MALRD1: variants seen among roughly 807,000 people sequenced by gnomAD.
The protein encoded by MALRD1 is MAM and LDL receptor class A domain containing 1.
In MALRD1, 247 loss-of-function variants were observed where a neutral mutation model predicts 242.1. The observed-to-expected ratio is 1.02, with a 90% confidence interval of 0.92 to 1.13. MALRD1 has a LOEUF of 1.13. MALRD1 is among the 50% of genes most tolerant of loss of function. The pLI is 0.00. For missense variants in MALRD1, 2,989 were observed against 2,533.1 expected (o/e 1.18, Z -3.86); for synonymous variants, 995 against 866.6 (o/e 1.15, Z -2.60).
intron 4 of MALRD1, among the ~76,000 whole-genome samples, chr10:19,099,809 A>C (rs1214666985): frequency 1.3e-5 from 2 of 150,834 alleles, no homozygotes; most frequent in Non-Finnish European, 2.9e-5. Flanking sequence ...TCTGTCACCC[A>C]GGTTGGCATA....
At chr10:19,269,677 C>T (rs1840120693) in intron 19 of MALRD1, among the ~76,000 whole-genome samples, 1 of 150,420 alleles carries the variant, frequency 6.6e-6, no homozygotes, top group South Asian at 2.1e-4. Context: ...CAAAGTTCAG[C>T]TCCAGAAGAA....
At chr10:19,101,892 A>G (rs1018794334) in intron 4 of MALRD1, among the ~76,000 whole-genome samples, 1 of 137,536 alleles carries the variant, frequency 7.3e-6, no homozygotes, top group Non-Finnish European at 1.5e-5. Flanking sequence ...TTATTAATAT[A>G]TATTAATATA....
intron 34 of MALRD1, among the ~76,000 whole-genome samples, chr10:19,597,028 T>C (rs189377759): frequency 3.3e-4 from 50 of 152,274 alleles, no homozygotes; most frequent in African/African-American, 5.1e-4. Flanking sequence ...TTGGGATGTT[T>C]AAAGGCTTTA....
intron 12 of MALRD1, among the ~76,000 whole-genome samples, chr10:19,162,950 T>C (rs1167891995): frequency 6.6e-6 from 1 of 151,352 alleles, no homozygotes; most frequent in Non-Finnish European, 1.5e-5. Flanking sequence ...CTGGGTAACA[T>C]GGTGAAACCT....
intron 21 of MALRD1, among the ~76,000 whole-genome samples, chr10:19,295,756 A>G (rs1841664217): frequency 6.6e-6 from 1 of 152,124 alleles, no homozygotes; most frequent in Non-Finnish European, 1.5e-5. Flanking sequence ...TAGCCCTAGT[A>G]CCTAGCAAAG....
At chr10:19,077,787 A>G (rs1026484813) in intron 2 of MALRD1, among the ~76,000 whole-genome samples, 2 of 151,902 alleles carry the variant, frequency 1.3e-5, no homozygotes, top group African/African-American at 4.8e-5. Context: ...CAGCTCCTCT[A>G]CCACCTACCA....
chr10:19,605,490 T>C (rs1006609376), intron 34 of MALRD1, among the ~76,000 whole-genome samples: 20 of 149,742 alleles, frequency 1.3e-4, no homozygotes, highest in African/African-American at 3.6e-4. Flanking sequence ...TCTTTCTTTT[T>C]TTTTTTTTTT....
At chr10:19,403,070 A>T (rs533742208) in intron 28 of MALRD1, among the ~76,000 whole-genome samples, 9 of 152,276 alleles carry the variant, frequency 5.9e-5, no homozygotes, top group Non-Finnish European at 1.2e-4. Flanking sequence ...AAATATGTGA[A>T]CCTATAATAA....
At chr10:19,048,751 A>G, upstream of MALRD1, 1 of 400,744 alleles carries the variant, frequency 2.5e-6, no homozygotes. Context: ...AATATTTTCT[A>G]AAGTCACTCC....
chr10:19,436,936 C>T (rs1377405312), intron 28 of MALRD1, among the ~76,000 whole-genome samples: 1 of 152,144 alleles, frequency 6.6e-6, no homozygotes, highest in Non-Finnish European at 1.5e-5. Context: ...TTCCCATACT[C>T]CTGGACCACT....
intron 31 of MALRD1, among the ~76,000 whole-genome samples, chr10:19,530,482 T>C (rs1435594141): frequency 7.3e-6 from 1 of 137,362 alleles, no homozygotes; most frequent in Non-Finnish European, 1.5e-5. Flanking sequence ...TATATAATAT[T>C]TATATAAATA....
chr10:19,503,449 G>A (rs898721347), intron 31 of MALRD1, among the ~76,000 whole-genome samples: 1 of 152,148 alleles, frequency 6.6e-6, no homozygotes, highest in African/African-American at 2.4e-5. Flanking sequence ...CTATTTATGA[G>A]CCTTTTTGGA....
chr10:19,221,557 T>G (rs886759913), intron 18 of MALRD1, among the ~76,000 whole-genome samples: 2 of 152,146 alleles, frequency 1.3e-5, no homozygotes, highest in African/African-American at 4.8e-5. Flanking sequence ...CGTCAAACAC[T>G]GATGCAAAGC....
chr10:19,670,093 A>ACAAACAC (rs1564529476), intron 36 of MALRD1, among the ~76,000 whole-genome samples: 93 of 115,178 alleles, frequency 8.1e-4, no homozygotes, highest in African/African-American at 2.8e-3. Context: ...CACACACACA[A>ACAAACAC]ACACACACAC....
intron 32 of MALRD1, among the ~76,000 whole-genome samples, chr10:19,553,235 A>G (rs1021559645): frequency 4.6e-5 from 7 of 152,162 alleles, no homozygotes; most frequent in Non-Finnish European, 1.0e-4. Flanking sequence ...TGGTTGGACA[A>G]GGAAAACACT....
intron 36 of MALRD1, among the ~76,000 whole-genome samples, chr10:19,690,863 G>A (rs950558014): frequency 6.6e-6 from 1 of 151,968 alleles, no homozygotes; most frequent in Non-Finnish European, 1.5e-5. Flanking sequence ...TTCTCCATAT[G>A]TCTTAGGTTT....
At position 19,316,990 on chromosome 10, in the gene MALRD1, G is replaced by C. The variant is rs138275792; in HGVS notation, c.3420-6959G>C. Among the ~76,000 whole-genome samples, 471 of 151,094 alleles carry C rather than the reference G, an allele frequency of 3.1e-3. 3 individuals carry two copies. The highest frequency in any genetic ancestry group is 0.011 in the African/African-American group (438 of 41,200). On this transcript the variant is annotated intron_variant, in intron 21 of 39. Transcript: ENST00000454679. ...AATTTTTCCATGATGTAATTGTTACGCATGCATGCCTGTACCAAAATATCT... is the reference window on the plus strand; with the variant it reads ...AATTTTTCCATGATGTAATTGTTACCCATGCATGCCTGTACCAAAATATCT...
chr10:19,104,067 C>A lies in MALRD1; in HGVS notation c.686C>A (p.Pro229His). 1 of 1,232,540 alleles carries A rather than the reference C, an allele frequency of 8.1e-7. No homozygotes were observed. The highest frequency in any genetic ancestry group is 1.0e-6 in the Non-Finnish European group (1 of 986,934). The allele number at this position is 1,232,540 out of a possible 1,614,324, so 76.4% of individuals were successfully genotyped here. A position where few individuals can be genotyped will look rare whatever the true frequency, so the allele number is the denominator to read the frequency against. Reference sequence around the variant, plus strand: ...ATATCTTTCAGTTCAGGCTGCTTGCCTGCCAATGGTAAGAACTTTTTCTCT... The same window carrying A: ...ATATCTTTCAGTTCAGGCTGCTTGCATGCCAATGGTAAGAACTTTTTCTCT... ...DDISFSSGCLPANDGILLCQE... is the reference protein window; with the variant it reads ...DDISFSSGCLHANDGILLCQE... The change falls in exon 5 of 40, where the codon CCT becomes CAT. Residue 229 changes from proline (P) to histidine (H), a missense_variant. By Grantham distance (77) the Pro-to-His change is moderately conservative (BLOSUM62 -2). Coordinates refer to ENST00000454679, the MANE Select transcript of MALRD1 (RefSeq NM_001142308.3).
chr10:19,373,823 T>C (rs1845488988), intron 26 of MALRD1, among the ~76,000 whole-genome samples: 2 of 152,206 alleles, frequency 1.3e-5, no homozygotes, highest in South Asian at 2.1e-4. Flanking sequence ...AACTCAGGCT[T>C]TAACTTGGAA....
Sources: gnomAD v4.1 joint callset for allele counts (sites outside exome capture counted in the v4.1 genomes callset) on GRCh38, gnomAD v4.1.1 for gene constraint, MANE v1.5 for transcripts, NCBI Gene and HGNC (gene_info 2026-07-23, HGNC 2026-07-21) for gene names.